Variants in PIGB observed in about 807,000 individuals in gnomAD.
PIGB encodes the protein phosphatidylinositol glycan anchor biosynthesis class B, also known as GPI alpha-1,2-mannosyltransferase 3.
In PIGB, 58 loss-of-function variants were observed where a neutral mutation model predicts 68.4. The ratio of observed to expected loss-of-function variants is 0.85; its 90% CI spans 0.69 to 1.06. PIGB has a LOEUF of 1.06. PIGB is among the 50% of genes least tolerant of loss of function. The probability of loss-of-function intolerance (pLI) is 0.00; values close to 1 mark genes in which losing one functional copy is unlikely to be tolerated. For missense variants in PIGB, 634 were observed against 655.8 expected, an observed-to-expected ratio of 0.97 and a Z score of 0.36; for synonymous variants, 219 against 220.5, an observed-to-expected ratio of 0.99 and a Z score of 0.06.
intron 5 of PIGB, among the ~76,000 whole-genome samples, chr15:55,331,946 T>C (rs2055425462): frequency 6.6e-6 from 1 of 152,100 alleles, no homozygotes; most frequent in Non-Finnish European, 1.5e-5. Flanking sequence ...GACAATACCA[T>C]GGTTCAAACT....
intron 5 of PIGB, among the ~76,000 whole-genome samples, chr15:55,331,724 T>A (rs1175627313): frequency 6.6e-6 from 1 of 151,250 alleles, no homozygotes; most frequent in Non-Finnish European, 1.5e-5. Flanking sequence ...AAAAAAAAAA[T>A]TTGTGGAGAT....
chr15:55,354,690 T>C, intron 10 of PIGB, 108 bp from the exon 11 acceptor site: 1 of 822,580 alleles, frequency 1.2e-6, no homozygotes, highest in Non-Finnish European at 1.8e-6. Context: ...GCAACACAGT[T>C]TACAGATTCA....
At chr15:55,353,128 T>C (rs2055960193) in intron 10 of PIGB, among the ~76,000 whole-genome samples, 1 of 152,214 alleles carries the variant, frequency 6.6e-6, no homozygotes, top group Admixed American at 6.5e-5. Flanking sequence ...TCTTTATACT[T>C]AACTGTAGTC....
At chr15:55,325,619 T>C (rs933938893) in intron 3 of PIGB, among the ~76,000 whole-genome samples, 5 of 152,124 alleles carry the variant, frequency 3.3e-5, no homozygotes, top group African/African-American at 9.7e-5. Context: ...TGTGCTTTTT[T>C]AAAAAGTAAT....
chr15:55,331,109 G>A (rs914516464), intron 5 of PIGB, among the ~76,000 whole-genome samples: 2 of 152,098 alleles, frequency 1.3e-5, no homozygotes, highest in African/African-American at 2.4e-5. Context: ...CATCATTTAG[G>A]GGCTTAGCTA....
In PIGB at chr15:55,344,926, C is replaced by T. The variant is rs371265538; in HGVS notation, c.1123+3124C>T. On this transcript the variant is annotated intron_variant, in intron 9 of 11. Transcript: ENST00000164305. ...TTTTTTTTTTTTTGAGACAGAGTCT[C>T]TCTCTGTCGCCCATGCTGGAGTGCA... 2.6e-4 allele frequency among the ~76,000 whole-genome samples: 33 copies of T among 125,476 alleles called. No homozygotes were observed. In the East Asian group the frequency reaches 7.3e-3, roughly 28 times the overall value. The allele number at this position is 125,476 out of a possible 152,430, so 82.3% of individuals were successfully genotyped here.
At chr15:55,345,218 C>CAT (rs769715955) in intron 9 of PIGB, among the ~76,000 whole-genome samples, 2 of 151,890 alleles carry the variant, frequency 1.3e-5, no homozygotes, top group Non-Finnish European at 2.9e-5. Context: ...ATCAAAATTG[C>CAT]ATATGTACAT....
At chr15:55,346,983 C>T (rs2055808799) in intron 9 of PIGB, among the ~76,000 whole-genome samples, 1 of 152,178 alleles carries the variant, frequency 6.6e-6, no homozygotes, top group East Asian at 1.9e-4. Flanking sequence ...TTAAAAACCC[C>T]TCAGAGGCCT....
intron 9 of PIGB, among the ~76,000 whole-genome samples, chr15:55,343,870 C>G (rs529925372): frequency 1.3e-5 from 2 of 152,292 alleles, no homozygotes; most frequent in African/African-American, 4.8e-5. Flanking sequence ...CTTCCACTAA[C>G]AGTCAGGGCT....
intron 9 of PIGB, chr15:55,346,324 G>A (rs1403121599): frequency 6.6e-6 from 1 of 152,190 alleles, no homozygotes; most frequent in Non-Finnish European, 1.5e-5. Context: ...TTCTGTAACA[G>A]TAGTCTGATG....
intron 9 of PIGB, among the ~76,000 whole-genome samples, chr15:55,344,390 G>A (rs1406138249): frequency 6.6e-6 from 1 of 152,262 alleles, no homozygotes; most frequent in Non-Finnish European, 1.5e-5. Flanking sequence ...TTCCAAGAGA[G>A]GGAGCAAATA....
At chr15:55,343,461 G>A (rs924022967) in intron 9 of PIGB, 3 of 152,194 alleles carry the variant, frequency 2.0e-5, no homozygotes, top group Admixed American at 6.5e-5. Flanking sequence ...AGGGGACGGG[G>A]AGGTTGGTTA....
At chr15:55,338,052 C>G (rs2055577347) in intron 6 of PIGB, among the ~76,000 whole-genome samples, 1 of 152,120 alleles carries the variant, frequency 6.6e-6, no homozygotes, top group South Asian at 2.1e-4. Context: ...GAGGTAGGGA[C>G]TGACTGATTG....
At chr15:55,336,308 C>T (rs2055534862) in intron 6 of PIGB, among the ~76,000 whole-genome samples, 1 of 142,424 alleles carries the variant, frequency 7.0e-6, no homozygotes, top group Admixed American at 6.9e-5. Context: ...AGGATCCCTT[C>T]AACCCAGGAG....
Position 55,355,365 on chromosome 15 carries a change from T to C in PIGB, c.1598T>C (p.Ile533Thr). 3.7e-6 allele frequency: 6 copies of C among 1,611,620 alleles called. No individual in the cohort carries two copies. Among genetic ancestry groups the C allele is most frequent in the South Asian group, 1.1e-5 (1 of 90,986 alleles). The change falls in exon 12 of 12, where the codon ATT becomes ACT. Residue 533 changes from isoleucine to threonine, a missense_variant. Physicochemically the swap from Ile to Thr is moderately conservative, Grantham distance 89. Coordinates refer to ENST00000164305, the MANE Select transcript of PIGB (RefSeq NM_004855.5). ...CACACTCACTTGCCAGAGGGTCGAA[T>C]TGGAAGTCACATATATGTCTATGAA... ...FFHTHLPEGRIGSHIYVYERK... is the reference protein window; with the variant it reads ...FFHTHLPEGRTGSHIYVYERK...
At chr15:55,336,283 G>A (rs1018442363) in intron 6 of PIGB, among the ~76,000 whole-genome samples, 4 of 152,056 alleles carry the variant, frequency 2.6e-5, no homozygotes, top group Admixed American at 1.3e-4. Context: ...TAGCTACTTG[G>A]GAGGATGAGG....
intron 5 of PIGB, among the ~76,000 whole-genome samples, chr15:55,330,104 C>T (rs2055380913): frequency 6.6e-6 from 1 of 152,064 alleles, no homozygotes; most frequent in South Asian, 2.1e-4. Flanking sequence ...CACCATAGTA[C>T]CCCCAGCATG....
At chr15:55,355,098 T>C in intron 11 of PIGB, 120 bp downstream of exon 11, 1 of 960,232 alleles carries the variant, frequency 1.0e-6, no homozygotes, top group Non-Finnish European at 1.6e-6. Flanking sequence ...CATTTCATAA[T>C]TAGTCTTTTC....
chr15:55,319,530 A>G (rs2055114066), intron 1 of PIGB, 117 bp downstream of exon 1: 2 of 654,896 alleles, frequency 3.1e-6, no homozygotes, highest in African/African-American at 1.9e-5. Flanking sequence ...GAGTTTTGAA[A>G]TGCTGGGAAA....
Sources: allele counts gnomAD v4.1 joint callset (sites outside exome capture counted in the v4.1 genomes callset), GRCh38; gene constraint gnomAD v4.1.1; transcripts MANE v1.5; gene names NCBI Gene and HGNC (gene_info 2026-07-23, HGNC 2026-07-21).